Variants in MUSK observed in about 807,000 individuals in gnomAD.
The protein encoded by MUSK is muscle associated receptor tyrosine kinase.
In MUSK, 55 loss-of-function variants were observed where a neutral mutation model predicts 88.7. That is an observed-to-expected ratio of 0.62 (90% confidence interval 0.50 to 0.78). MUSK has a LOEUF of 0.78. Ranked by LOEUF, MUSK falls within the 30% of genes least tolerant of loss-of-function variation. The pLI, the probability that MUSK is intolerant of heterozygous loss-of-function variation, is 0.00. For synonymous variants in MUSK, 387 were observed against 391.9 expected (o/e 0.99, Z 0.15); for missense variants, 1,015 against 1,074.3 (o/e 0.94, Z 0.77).
intron 5 of MUSK, among the ~76,000 whole-genome samples, chr9:110,709,186 G>A (rs1697818036): frequency 1.3e-5 from 2 of 152,112 alleles, no homozygotes; most frequent in African/African-American, 4.8e-5. Context: ...ATGGCAAGAA[G>A]GAGTTCAAGT....
chr9:110,673,734 CT>C (rs537691756), intron 1 of MUSK, among the ~76,000 whole-genome samples: 96 of 152,250 alleles, frequency 6.3e-4, no homozygotes, highest in African/African-American at 2.3e-3. Flanking sequence ...ACTTCTGCAT[CT>C]GTGTATTGAG....
intron 5 of MUSK, among the ~76,000 whole-genome samples, chr9:110,722,355 C>T (rs940011363): frequency 5.9e-5 from 9 of 151,940 alleles, no homozygotes; most frequent in Admixed American, 2.6e-4. Context: ...TATGGTGAAA[C>T]CCCATCTCTA....
intron 1 of MUSK, among the ~76,000 whole-genome samples, chr9:110,681,173 A>T (rs1239494164): frequency 2.1e-5 from 2 of 93,358 alleles, no homozygotes; most frequent in Non-Finnish European, 4.1e-5. Flanking sequence ...AAATTATTAT[A>T]ATATATATTA....
At position 110,767,979 on chromosome 9, in the gene MUSK, A is replaced by G. The variant is rs1467748792; in HGVS notation, c.1080A>G (p.Lys360=). The part of the protein sequence containing the change: ...LLVHTAWNEL[K]VVSPVCRPAA... ...TCCACACGGCCTGGAATGAACTGAA[A>G]GTAGTGAGCCCAGTCTGCCGGCCAG... The change falls in exon 9 of 15, where the codon AAA becomes AAG. Residue 360 remains lysine, a synonymous_variant. Coordinates refer to ENST00000374448, the MANE Select transcript of MUSK (RefSeq NM_005592.4). 3 of 1,613,984 alleles carry G rather than the reference A, an allele frequency of 1.9e-6. No individual in the cohort carries two copies. The highest frequency in any genetic ancestry group is 2.2e-5 in the South Asian group (2 of 91,078).
chr9:110,753,985 A>G (rs1327827855), intron 7 of MUSK, among the ~76,000 whole-genome samples: 2 of 152,178 alleles, frequency 1.3e-5, no homozygotes, highest in African/African-American at 4.8e-5. Flanking sequence ...GTTGGAGATA[A>G]TTCTTGAGAC....
intron 3 of MUSK, among the ~76,000 whole-genome samples, chr9:110,690,603 AAT>A (rs1391951279): frequency 5.0e-4 from 20 of 40,182 alleles, no homozygotes; most frequent in African/African-American, 6.4e-4. Context: ...TATATATATA[AAT>A]ATATATATTT....
At chr9:110,727,111 A>C (rs1191584146) in intron 5 of MUSK, among the ~76,000 whole-genome samples, 1 of 152,112 alleles carries the variant, frequency 6.6e-6, no homozygotes, top group East Asian at 1.9e-4. Flanking sequence ...TTCAATTCAG[A>C]AGTTTTAAAT....
intron 6 of MUSK, among the ~76,000 whole-genome samples, chr9:110,734,774 T>C (rs141518941): frequency 1.5e-3 from 233 of 152,248 alleles, no homozygotes; most frequent in African/African-American, 5.3e-3. Flanking sequence ...TCATTTTCAA[T>C]AGTGGTAATA....
intron 11 of MUSK, among the ~76,000 whole-genome samples, chr9:110,781,560 G>C (rs920315575): frequency 6.6e-6 from 1 of 152,078 alleles, no homozygotes; most frequent in African/African-American, 2.4e-5. Flanking sequence ...ACAGGCGTGA[G>C]CTACTGCTCC....
At chr9:110,688,290 A>G (rs923463832) in intron 3 of MUSK, among the ~76,000 whole-genome samples, 1 of 152,100 alleles carries the variant, frequency 6.6e-6, no homozygotes, top group African/African-American at 2.4e-5. Context: ...ACAGCCATGA[A>G]ATAGAACCAC....
At chr9:110,781,556 G>A (rs112597445) in intron 11 of MUSK, among the ~76,000 whole-genome samples, 3,870 of 152,224 alleles carry the variant, frequency 0.025, 67 homozygotes, top group South Asian at 0.042. Context: ...GATTACAGGC[G>A]TGAGCTACTG....
intron 8 of MUSK, 70 bp downstream of exon 8, chr9:110,762,278 G>T: frequency 8.1e-7 from 1 of 1,233,682 alleles, no homozygotes; most frequent in Non-Finnish European, 1.1e-6. Context: ...GTTTGTTTTT[G>T]TCTGTGAGAG....
intron 1 of MUSK, among the ~76,000 whole-genome samples, chr9:110,675,841 G>A (rs981838637): frequency 3.3e-5 from 5 of 151,990 alleles, no homozygotes; most frequent in Non-Finnish European, 5.9e-5. Flanking sequence ...GATTACAGGC[G>A]TGAGCCACCG....
chr9:110,804,533 A>G lies in MUSK; in HGVS notation c.*3545A>G, dbSNP rs142436551. 2.7e-4 allele frequency among the ~76,000 whole-genome samples: 41 copies of G among 152,108 alleles called. No homozygotes were observed. Among genetic ancestry groups the G allele is most frequent in the African/African-American group, 8.7e-4 (36 of 41,548 alleles). Reference sequence around the variant, plus strand: ...AATGTTTCTTGTTCCTAGGTCATTAACAGTTTTTATTTTGGCAATTGTCTA... The same window carrying G: ...AATGTTTCTTGTTCCTAGGTCATTAGCAGTTTTTATTTTGGCAATTGTCTA... On this transcript the variant is annotated 3_prime_UTR_variant, in exon 15 of 15. Transcript: ENST00000374448.
chr9:110,775,988 T>A (rs1272740021), intron 10 of MUSK, 25 bp downstream of exon 10: 1 of 1,568,208 alleles, frequency 6.4e-7, no homozygotes, highest in Non-Finnish European at 8.6e-7. Flanking sequence ...TCCCAAGACT[T>A]TGGAGGTTAA....
At chr9:110,752,460 C>T (rs956045636) in intron 7 of MUSK, among the ~76,000 whole-genome samples, 4 of 152,228 alleles carry the variant, frequency 2.6e-5, no homozygotes, top group East Asian at 1.9e-4. Flanking sequence ...TCTCGGCATC[C>T]GATGAGGCTG....
intron 7 of MUSK, among the ~76,000 whole-genome samples, chr9:110,757,727 A>G (rs965733513): frequency 6.6e-6 from 1 of 152,116 alleles, no homozygotes; most frequent in Admixed American, 6.5e-5. Flanking sequence ...ATTCCATTAA[A>G]AAAACGAACC....
intron 6 of MUSK, among the ~76,000 whole-genome samples, chr9:110,740,843 C>T (rs528726082): frequency 3.3e-5 from 5 of 152,174 alleles, no homozygotes; most frequent in African/African-American, 7.2e-5. Flanking sequence ...AAAGGCGTCT[C>T]GACATGGATA....
At chr9:110,730,310 G>A (rs2076946690) in intron 5 of MUSK, among the ~76,000 whole-genome samples, 1 of 152,078 alleles carries the variant, frequency 6.6e-6, no homozygotes, top group South Asian at 2.1e-4. Context: ...ACTATGTACA[G>A]AAAGAGGGGT....
Sources: gnomAD v4.1 joint callset for allele counts (sites outside exome capture counted in the v4.1 genomes callset) on GRCh38, gnomAD v4.1.1 for gene constraint, MANE v1.5 for transcripts, NCBI Gene and HGNC (gene_info 2026-07-23, HGNC 2026-07-21) for gene names.